SNURF: variants seen among roughly 807,000 people sequenced by gnomAD.
The protein encoded by SNURF is SNURF protein.
In SNURF, 6 loss-of-function variants were observed where a neutral mutation model predicts 11.6. That is an observed-to-expected ratio of 0.52 (90% CI 0.28 to 1.02). The LOEUF (loss-of-function observed/expected upper bound fraction) is 1.02, where lower values mean the gene tolerates loss of function less well. Ranked by LOEUF, SNURF falls within the 50% of genes least tolerant of loss-of-function variation. The pLI, the probability that SNURF is intolerant of heterozygous loss-of-function variation, is 0.09. For synonymous variants in SNURF, 29 were observed against 31.6 expected (o/e 0.92, Z 0.27); for missense variants, 84 against 88.4 (o/e 0.95, Z 0.20).
At chr15:24,978,645 G>A, downstream of SNURF, 1 of 614,558 alleles carries the variant, frequency 1.6e-6, no homozygotes, top group East Asian at 2.7e-5. Context: ...TACTGTGGAT[G>A]AGGGTGATGC....
intron 1 of SNURF, among the ~76,000 whole-genome samples, chr15:24,955,648 A>C (rs1215621806): frequency 3.8e-5 from 3 of 79,728 alleles, no homozygotes; most frequent in Admixed American, 1.7e-4. Context: ...AGGCTATGGC[A>C]GTGGACCAGG....
At chr15:24,972,204 C>T (rs1394283064), downstream of SNURF, among the ~76,000 whole-genome samples, 3 of 148,096 alleles carry the variant, frequency 2.0e-5, no homozygotes, top group Admixed American at 1.4e-4. Flanking sequence ...TGCAGTGAGC[C>T]GAGATCACTC....
Position 24,974,517 on chromosome 15 carries a change from G to T in SNURF, c.*46-841G>T, listed in dbSNP as rs370233592. ...CTGTAAGGGCCGAAAGAAATAGTTT[G>T]CCAGCATGTGCAGTGATCTTGGGTT... is the stretch of plus-strand genomic sequence containing the variant. On this transcript the variant is annotated intron_variant and NMD_transcript_variant, in intron 3 of 6. Coordinates refer to the SNURF transcript ENST00000580062. 4 of 1,509,290 alleles carry T rather than the reference G, an allele frequency of 2.7e-6. No homozygotes were observed. The African/African-American group carries it at 5.5e-5, about 21-fold the overall frequency. 93.5% of individuals were successfully genotyped at this position (1,509,290 alleles called of 1,614,324 possible). A position where few individuals can be genotyped will look rare whatever the true frequency, so the allele number is the denominator to read the frequency against.
At chr15:24,968,265 T>A (rs2075940295) in exon 3 of SNURF, 4 of 500,420 alleles carry the variant, frequency 8.0e-6, no homozygotes, top group African/African-American at 5.8e-5. Context: ...ACTTTCGTCA[T>A]GTTTCTGTAT....
downstream of SNURF, chr15:24,978,336 G>T (rs748249158): frequency 1.5e-5 from 24 of 1,613,878 alleles, no homozygotes; most frequent in Admixed American, 2.0e-4. Context: ...GGAGCATAGG[G>T]GTTTGATGGT....
At chr15:24,978,006 TG>T (rs1376769408), downstream of SNURF, 9 of 1,308,928 alleles carry the variant, frequency 6.9e-6, no homozygotes, top group Admixed American at 9.4e-5. Context: ...CCTAAGAATT[TG>T]GGGAATATGC....
intron 1 of SNURF, among the ~76,000 whole-genome samples, chr15:24,960,871 T>G (rs2074679889): frequency 6.6e-6 from 1 of 152,338 alleles, no homozygotes; most frequent in South Asian, 2.1e-4. Flanking sequence ...AGTACATGCC[T>G]TTGAAATCAT....
At chr15:24,955,948 C>T (rs2062791319) in intron 1 of SNURF, among the ~76,000 whole-genome samples, 1 of 150,714 alleles carries the variant, frequency 6.6e-6, no homozygotes, top group African/African-American at 2.4e-5. Context: ...TCAGAAGGGG[C>T]AGTAGCACAG....
chr15:24,965,430 A>G (rs1295294333), intron 2 of SNURF, among the ~76,000 whole-genome samples: 1 of 152,160 alleles, frequency 6.6e-6, no homozygotes, highest in African/African-American at 2.4e-5. Context: ...CCAGCTACTC[A>G]GGAGGCTGAG....
At chr15:24,961,984 A>C (rs1013998654) in intron 1 of SNURF, 130 bp from the exon 2 acceptor site, 6 of 857,908 alleles carry the variant, frequency 7.0e-6, no homozygotes, top group Non-Finnish European at 1.2e-5. Flanking sequence ...ATCTTGTAAT[A>C]ATTTTACCTT....
rs185959208 is a variant in SNURF, at chr15:24,975,570, G to A, written c.*197+61G>A. The A allele has an allele frequency of 1.6e-3, 2,264 of 1,416,638 alleles. 2 individuals carry two copies. Among genetic ancestry groups the A allele is most frequent in the Admixed American group, 2.8e-3 (163 of 58,466 alleles). 87.8% of individuals were successfully genotyped at this position (1,416,638 alleles called of 1,614,324 possible). A position where few individuals can be genotyped will look rare whatever the true frequency, so the allele number is the denominator to read the frequency against. ...GAGGCAGTGGGAAGGGAAGGCCAGA[G>A]CTGGAGTAAGGGATTTCCGAGGGTA... is the stretch of plus-strand genomic sequence containing the variant. On this transcript the variant is annotated intron_variant and NMD_transcript_variant, in intron 4 of 6. Coordinates refer to the SNURF transcript ENST00000580062.
chr15:24,960,536 C>T (rs1262695832), intron 1 of SNURF, among the ~76,000 whole-genome samples: 1 of 152,066 alleles, frequency 6.6e-6, no homozygotes, highest in African/African-American at 2.4e-5. Flanking sequence ...AGATGTTGCC[C>T]AAGCTGGTCT....
chr15:24,957,581 C>T (rs928348315), intron 1 of SNURF, among the ~76,000 whole-genome samples: 1 of 152,044 alleles, frequency 6.6e-6, no homozygotes, highest in African/African-American at 2.4e-5. Context: ...TACATTTTCC[C>T]TCTATCATAA....
At chr15:24,968,033 G>A in exon 3 of SNURF, 1 of 1,613,972 alleles carries the variant, frequency 6.2e-7, no homozygotes, top group Non-Finnish European at 8.5e-7. Context: ...CCAAGAGGTG[G>A]TTAAAGCCAT....
At chr15:24,968,205 T>C (rs1802004382) in exon 3 of SNURF, 2 of 644,566 alleles carry the variant, frequency 3.1e-6, no homozygotes. Flanking sequence ...ATAAACACAT[T>C]GCAGAAAGTT....
rs200650114 is a variant in SNURF at position 24,976,410 on chromosome 15, C to T, written c.*303C>T. The T allele has an allele frequency of 6.4e-5, 103 of 1,604,680 alleles. 2 individuals carry two copies. In the South Asian group the frequency reaches 1.0e-3, roughly 16 times the overall value. ...CCATGACTGTGGAGGGGCCACCCCC[C>T]AAAGATGTAAGGAAGATGTAGGGCA... On this transcript the variant is annotated 3_prime_UTR_variant and NMD_transcript_variant, in exon 5 of 7. Transcript: ENST00000580062.
intron 5 of SNURF, chr15:24,976,459 ACAT>A: frequency 7.8e-7 from 1 of 1,280,110 alleles, no homozygotes; most frequent in Non-Finnish European, 1.1e-6. Flanking sequence ...ATTTGCAGGG[ACAT>A]CATATTATGT....
rs11858188 is a variant in SNURF, at chr15:24,958,299, A to G, written c.14+3237A>G. Among the ~76,000 whole-genome samples the G allele has an allele frequency of 2.4e-3, 362 of 151,756 alleles. 1 individual carries two copies. Among genetic ancestry groups the G allele is most frequent in the African/African-American group, 8.5e-3 (351 of 41,410 alleles). ...GTTTAGCTATTTTTTAGGAAGAATC[A>G]TTTAAGCAGGTTGTGAGTACTGCCC... On this transcript the variant is annotated intron_variant, in intron 1 of 2. Transcript: ENST00000577949.
downstream of SNURF, chr15:24,968,970 A>G (rs185497695): frequency 6.6e-6 from 1 of 151,398 alleles, no homozygotes; most frequent in Non-Finnish European, 1.5e-5. Flanking sequence ...GAATGCCCTC[A>G]TTTCTGAGAG....
Sources: allele counts gnomAD v4.1 joint callset (sites outside exome capture counted in the v4.1 genomes callset), GRCh38; gene constraint gnomAD v4.1.1; transcripts MANE v1.5; gene names NCBI Gene and HGNC (gene_info 2026-07-23, HGNC 2026-07-21).